DTNB: variants seen among roughly 807,000 people sequenced by gnomAD.
DTNB encodes DTN-B.
A neutral mutation model predicts 90.7 loss-of-function variants in DTNB; 63 were observed. The observed-to-expected ratio is 0.69, with a 90% CI of 0.57 to 0.86. DTNB has a LOEUF of 0.86. Among genes scored for constraint, DTNB ranks in the 40% least tolerant of loss-of-function variants. The probability of loss-of-function intolerance (pLI) is 0.00; values close to 1 mark genes in which losing one functional copy is unlikely to be tolerated. For synonymous variants in DTNB, 277 were observed against 286.7 expected, an observed-to-expected ratio of 0.97 and a Z score of 0.34; for missense variants, 744 against 807.1, an observed-to-expected ratio of 0.92 and a Z score of 0.95.
At chr2:25,509,258 A>G (rs986148387) in intron 9 of DTNB, among the ~76,000 whole-genome samples, 1 of 152,206 alleles carries the variant, frequency 6.6e-6, no homozygotes, top group African/African-American at 2.4e-5. Context: ...TAAAATGTTC[A>G]GTCTTTTAAC....
intron 4 of DTNB, among the ~76,000 whole-genome samples, chr2:25,610,390 A>G (rs1030587222): frequency 6.6e-6 from 1 of 152,026 alleles, no homozygotes; most frequent in Non-Finnish European, 1.5e-5. Flanking sequence ...GAGAGAGAGT[A>G]TATGTGCCAG....
intron 1 of DTNB, among the ~76,000 whole-genome samples, chr2:25,653,623 T>G (rs781274941): frequency 4.0e-5 from 6 of 151,534 alleles, no homozygotes; most frequent in Non-Finnish European, 8.8e-5. Flanking sequence ...GCAATTCTTG[T>G]GCCTCAGCCT....
intron 13 of DTNB, 54 bp downstream of exon 13, chr2:25,433,856 T>C (rs1176163882): frequency 1.3e-6 from 2 of 1,589,130 alleles, no homozygotes; most frequent in East Asian, 2.2e-5. Context: ...GAGAATCAGA[T>C]ACGCACGTGA....
At chr2:25,431,887 T>C (rs1311571235) in intron 14 of DTNB, among the ~76,000 whole-genome samples, 5 of 152,254 alleles carry the variant, frequency 3.3e-5, no homozygotes, top group African/African-American at 4.8e-5. Flanking sequence ...CCTAACTACA[T>C]TGAGAAACTA....
chr2:25,596,935 T>C (rs902482138), intron 5 of DTNB, among the ~76,000 whole-genome samples: 2 of 152,216 alleles, frequency 1.3e-5, no homozygotes, highest in Admixed American at 6.5e-5. Context: ...AGGGAGTTCC[T>C]GTCTCCAATC....
At chr2:25,398,439 G>A (rs1475377183) in intron 16 of DTNB, among the ~76,000 whole-genome samples, 1 of 152,206 alleles carries the variant, frequency 6.6e-6, no homozygotes, top group African/African-American at 2.4e-5. Context: ...AGGGCCCTCC[G>A]TGAATTCTGG....
chr2:25,641,884 G>A (rs912196340), intron 2 of DTNB, among the ~76,000 whole-genome samples: 4 of 151,970 alleles, frequency 2.6e-5, no homozygotes, highest in Admixed American at 2.0e-4. Flanking sequence ...GCAGTAGCAC[G>A]GTCTCGGCTT....
At chr2:25,502,428 G>T (rs1277621257) in intron 9 of DTNB, among the ~76,000 whole-genome samples, 2 of 152,008 alleles carry the variant, frequency 1.3e-5, no homozygotes, top group South Asian at 4.2e-4. Flanking sequence ...ACAAGAAAAA[G>T]AAATAAAAGA....
intron 5 of DTNB, chr2:25,596,442 C>A: frequency 2.4e-6 from 1 of 411,904 alleles, no homozygotes; most frequent in Non-Finnish European, 4.1e-6. Flanking sequence ...CTCTCTTCCA[C>A]TCACTTAATA....
Position 25,427,625 on chromosome 2 carries a change from C to T in DTNB, c.1464G>A (p.Arg488=). The change falls in exon 15 of 21, where the codon AGG becomes AGA. Residue 488 remains arginine, a synonymous_variant. Transcript: ENST00000406818. ...LLAELRLLRQ[R]KDELEQRMSA... is the part of the protein sequence containing the mutation. ...ACATCCTCTGCTCCAGTTCATCCTTCCTTTGCCTATCCAAGACGAGAAGCC... is the reference window on the plus strand; with the variant it reads ...ACATCCTCTGCTCCAGTTCATCCTTTCTTTGCCTATCCAAGACGAGAAGCC... 1 of 1,613,080 alleles carries T rather than the reference C, an allele frequency of 6.2e-7. No homozygotes were observed. The highest frequency in any genetic ancestry group is 8.5e-7 in the Non-Finnish European group (1 of 1,179,774).
At chr2:25,516,617 T>G in intron 9 of DTNB, among the ~76,000 whole-genome samples, 1 of 144,970 alleles carries the variant, frequency 6.9e-6, no homozygotes. Context: ...TGGCTGGGCA[T>G]GGTGGCTCAC....
chr2:25,428,435 CTT>C (rs1231871744), intron 14 of DTNB, among the ~76,000 whole-genome samples: 22 of 141,140 alleles, frequency 1.6e-4, no homozygotes, highest in African/African-American at 1.8e-4. Context: ...ATCCTGCTTT[CTT>C]TTTTTTTTTT....
chr2:25,669,588 G>A (rs1362619131), intron 1 of DTNB, among the ~76,000 whole-genome samples: 1 of 152,136 alleles, frequency 6.6e-6, no homozygotes, highest in Non-Finnish European at 1.5e-5. Context: ...AAAAGCCTAG[G>A]GCTGGCAGGA....
chr2:25,543,170 A>AAT (rs2081650603), intron 8 of DTNB, among the ~76,000 whole-genome samples: 1 of 152,172 alleles, frequency 6.6e-6, no homozygotes, highest in Non-Finnish European at 1.5e-5. Context: ...TTCTAAGACT[A>AAT]ATATACTTTC....
intron 1 of DTNB, among the ~76,000 whole-genome samples, chr2:25,659,554 A>T (rs1158656274): frequency 3.3e-5 from 5 of 151,716 alleles, no homozygotes; most frequent in Non-Finnish European, 7.4e-5. Flanking sequence ...ATTACTAATG[A>T]AAGAGGGGAA....
intron 2 of DTNB, among the ~76,000 whole-genome samples, chr2:25,645,640 C>T (rs2079278848): frequency 6.6e-6 from 1 of 151,926 alleles, no homozygotes; most frequent in African/African-American, 2.4e-5. Context: ...AAGGTTTCAC[C>T]ATGTTGCCCA....
intron 12 of DTNB, among the ~76,000 whole-genome samples, chr2:25,438,713 A>G (rs539061378): frequency 6.6e-6 from 1 of 152,246 alleles, no homozygotes; most frequent in South Asian, 2.1e-4. Context: ...AAGCCTGTGC[A>G]TAGTGACTTC....
chr2:25,381,133 T>C (rs145919429), intron 19 of DTNB, among the ~76,000 whole-genome samples: 13 of 152,334 alleles, frequency 8.5e-5, no homozygotes, highest in African/African-American at 2.9e-4. Context: ...GAGATGCAGC[T>C]GTTATGTCTT....
Position 25,649,287 on chromosome 2 carries a change from G to C in DTNB, c.67+3307C>G, listed in dbSNP as rs566047228. ...CCGAAAGTGCTGGCATTATAGGCGT[G>C]AGCCACCACACCTGGCCATCCTTCC... On this transcript the variant is annotated intron_variant, in intron 2 of 20. Coordinates refer to ENST00000406818, the MANE Select transcript of DTNB (RefSeq NM_021907.5). Among the ~76,000 whole-genome samples, 12 of 152,200 alleles carry C rather than the reference G, an allele frequency of 7.9e-5. No homozygotes were observed. The East Asian group carries it at 2.3e-3, about 29-fold the overall frequency.
Sources: allele counts gnomAD v4.1 joint callset (sites outside exome capture counted in the v4.1 genomes callset), GRCh38; gene constraint gnomAD v4.1.1; transcripts MANE v1.5; gene names NCBI Gene and HGNC (gene_info 2026-07-23, HGNC 2026-07-21).